Variants in ATG2B observed in about 807,000 individuals in gnomAD.
ATG2B encodes the protein autophagy related 2B.
A neutral mutation model predicts 241.3 loss-of-function variants in ATG2B; 121 were observed. That is an observed-to-expected ratio of 0.50 (90% CI 0.43 to 0.58). The LOEUF (loss-of-function observed/expected upper bound fraction) is 0.58, where lower values mean the gene tolerates loss of function less well. ATG2B is among the 20% of genes least tolerant of loss of function. ATG2B has a pLI of 0.00. For missense variants in ATG2B, 2,306 were observed against 2,491.6 expected (o/e 0.93, Z 1.59); for synonymous variants, 858 against 876.6 (o/e 0.98, Z 0.37).
In ATG2B at chr14:96,344,679, T is replaced by C; in HGVS notation, c.556A>G (p.Thr186Ala). The stretch of plus-strand genomic sequence containing the variant: ...CTTTCTATTCGAATTTCAAGTGCAG[T>C]TCCAGTTTTGGAATTTTCTGGCACA... ...EHVPENSKTG[T>A]ALEIRIERTV... The change falls in exon 4 of 42, where the codon ACT becomes GCT. Residue 186 changes from threonine (T) to alanine (A), a missense_variant. Physicochemically the swap from Thr to Ala is moderately conservative, Grantham distance 58 (BLOSUM62 0). Transcript: ENST00000359933. 1.2e-6 allele frequency: 2 copies of C among 1,605,198 alleles called. No individual in the cohort carries two copies. The highest frequency in any genetic ancestry group is 8.5e-7 in the Non-Finnish European group (1 of 1,175,178).
chr14:96,324,021 T>C (rs1054827956), intron 15 of ATG2B, 23 bp from the exon 16 acceptor site: 1 of 1,478,788 alleles, frequency 6.8e-7, no homozygotes, highest in Non-Finnish European at 9.3e-7. Flanking sequence ...ACTGATTTAC[T>C]GAAATGTGCT....
At chr14:96,348,269 T>C (rs1022343339) in intron 1 of ATG2B, among the ~76,000 whole-genome samples, 2 of 152,146 alleles carry the variant, frequency 1.3e-5, no homozygotes, top group African/African-American at 4.8e-5. Flanking sequence ...CACTTATCTA[T>C]GGAAGCTAAA....
At chr14:96,298,203 A>G (rs1285123077) in intron 34 of ATG2B, among the ~76,000 whole-genome samples, 1 of 152,238 alleles carries the variant, frequency 6.6e-6, no homozygotes, top group Non-Finnish European at 1.5e-5. Context: ...ATCACCTGTT[A>G]CCAGGGAAAT....
intron 30 of ATG2B, among the ~76,000 whole-genome samples, chr14:96,306,307 TAC>T (rs56154757): frequency 0.25 from 37,632 of 150,910 alleles, 4,899 homozygotes; most frequent in Non-Finnish European, 0.28. Context: ...CAAATACACA[TAC>T]ACACACACAC....
At position 96,306,772 on chromosome 14, in the gene ATG2B, C is replaced by A. The variant is rs746386000; in HGVS notation, c.4448G>T (p.Gly1483Val). ...AAAGTCATCATTCTCAGTGGGCACA[C>A]CTGTCATTGCATCACTGATGAAATG... is the stretch of plus-strand genomic sequence containing the variant. ...SHHFISDAMT[G>V]VPTENDDFCI... is the part of the protein sequence containing the mutation. The change falls in exon 30 of 42, where the codon GGT becomes GTT. Residue 1483 changes from glycine (G) to valine (V), a missense_variant. Coordinates refer to ENST00000359933, the MANE Select transcript of ATG2B (RefSeq NM_018036.7). The A allele has an allele frequency of 3.7e-6, 6 of 1,613,832 alleles. No individual in the cohort carries two copies. In the African/African-American group the frequency reaches 5.3e-5, roughly 14 times the overall value.
chr14:96,322,785 A>C (rs373500226), intron 16 of ATG2B, 50 bp from the exon 17 acceptor site: 2 of 1,510,466 alleles, frequency 1.3e-6, no homozygotes, highest in African/African-American at 2.8e-5. Context: ...TGTAAACAGC[A>C]AAACTTTAAC....
rs549218439 is a variant in ATG2B at position 96,287,752 on chromosome 14, C to T, written c.6007-1767G>A. 4.1e-4 allele frequency among the ~76,000 whole-genome samples: 62 copies of T among 152,300 alleles called. 1 individual carries two copies. In the East Asian group the frequency reaches 6.9e-3, roughly 17 times the overall value. ...ACATACTTTTTATGTAAGGGCCACA[C>T]AGAAGGTATTTGTGGGCCATGGTCT... On this transcript the variant is annotated intron_variant, in intron 41 of 41. Transcript: ENST00000359933.
rs1566717611 is a variant in ATG2B at position 96,303,261 on chromosome 14, CG to C, written c.4843-7del. ...ACTTCATGCTGAAACTTCACCTTAA[CG>C]GGTAAGGAGGAAGAACGCGGAACAG... On this transcript the variant is annotated splice_polypyrimidine_tract_variant and splice_region_variant and intron_variant, in intron 32 of 41. Transcript: ENST00000359933. 6.5e-7 allele frequency: 1 copy of C among 1,548,754 alleles called. No homozygotes were observed. The highest frequency in any genetic ancestry group is 8.7e-7 in the Non-Finnish European group (1 of 1,144,086).
intron 33 of ATG2B, 125 bp downstream of exon 33, chr14:96,302,936 G>T: frequency 1.4e-6 from 1 of 728,028 alleles, no homozygotes; most frequent in African/African-American, 1.8e-5. Context: ...ATTCAAAAGG[G>T]ACTTTTCACA....
At chr14:96,347,813 A>C (rs1051941109) in intron 1 of ATG2B, among the ~76,000 whole-genome samples, 1 of 152,240 alleles carries the variant, frequency 6.6e-6, no homozygotes, top group Non-Finnish European at 1.5e-5. Context: ...AATGGCTTCT[A>C]TCCAGAAGAC....
At chr14:96,328,825 C>T (rs1887655310) in intron 12 of ATG2B, 59 bp from the exon 13 acceptor site, 4 of 1,299,914 alleles carry the variant, frequency 3.1e-6, no homozygotes, top group East Asian at 2.4e-5. Flanking sequence ...TACAGAGGTG[C>T]CCATACAATA....
intron 1 of ATG2B, among the ~76,000 whole-genome samples, chr14:96,349,241 C>T (rs1366112002): frequency 3.3e-5 from 5 of 152,176 alleles, no homozygotes; most frequent in East Asian, 3.8e-4. Flanking sequence ...TTTGATACAT[C>T]GCAGTATTTG....
rs181670230 is a variant in ATG2B at position 96,335,195 on chromosome 14, T to C, written c.925-694A>G. Among the ~76,000 whole-genome samples, 594 of 152,348 alleles carry C rather than the reference T, an allele frequency of 3.9e-3. 4 individuals carry two copies. The highest frequency in any genetic ancestry group is 0.013 in the African/African-American group (553 of 41,594). On this transcript the variant is annotated intron_variant, in intron 6 of 41. Transcript: ENST00000359933. ...TTACTTTATTCTCTATATTACATTC[T>C]AAAAAGCAGAATATCCCTGCCTTAC...
At position 96,331,457 on chromosome 14, in the gene ATG2B, A is replaced by G. The variant is rs996316712; in HGVS notation, c.1649T>C (p.Ile550Thr). Residue 550 changes from isoleucine (I) to threonine (T), a missense_variant, in exon 11 of 42, where the codon ATT becomes ACT. This residue lies in a region of ATG2B where 1,927 missense variants were observed against 2,011.2 expected (regional missense o/e 0.96). Transcript: ENST00000359933. ...AVAFFTCIEKIDPARFSTEDF... is the reference protein window; with the variant it reads ...AVAFFTCIEKTDPARFSTEDF... ...TTCTGTTGAAAATCTTGCTGGATCAATCTTTTCTATACAAGTAAAGAAAGC... is the reference window on the plus strand; with the variant it reads ...TTCTGTTGAAAATCTTGCTGGATCAGTCTTTTCTATACAAGTAAAGAAAGC... 4.3e-6 allele frequency: 7 copies of G among 1,614,004 alleles called. No homozygotes were observed. The highest frequency in any genetic ancestry group is 5.9e-6 in the Non-Finnish European group (7 of 1,179,996).
intron 32 of ATG2B, among the ~76,000 whole-genome samples, 188 bp from the exon 33 acceptor site, chr14:96,303,443 T>C (rs1224712137): frequency 6.6e-6 from 1 of 152,200 alleles, no homozygotes; most frequent in African/African-American, 2.4e-5. Flanking sequence ...TAATCTACAG[T>C]GCTCCCTGCT....
chr14:96,340,671 G>C (rs1339771935), intron 6 of ATG2B, among the ~76,000 whole-genome samples: 2 of 152,214 alleles, frequency 1.3e-5, no homozygotes, highest in East Asian at 3.9e-4. Context: ...CCAACACTTT[G>C]GGAGGCTGAG....
intron 19 of ATG2B, 120 bp from the exon 20 acceptor site, chr14:96,317,437 G>A: frequency 2.3e-6 from 2 of 866,610 alleles, no homozygotes; most frequent in Non-Finnish European, 3.5e-6. Context: ...TGTGAACACA[G>A]AAATACATAC....
At chr14:96,342,447 C>T (rs1473820857) in intron 5 of ATG2B, among the ~76,000 whole-genome samples, 3 of 152,020 alleles carry the variant, frequency 2.0e-5, no homozygotes, top group Non-Finnish European at 4.4e-5. Flanking sequence ...ATGGGCCAGA[C>T]GTGGTGGCTC....
rs374135427 is a variant in ATG2B at position 96,362,994 on chromosome 14, G to A, written c.-18C>T. 18 of 1,612,400 alleles carry A rather than the reference G, an allele frequency of 1.1e-5. No individual in the cohort carries two copies. The highest frequency in any genetic ancestry group is 5.3e-5 in the African/African-American group (4 of 74,922). On this transcript the variant is annotated 5_prime_UTR_variant, in exon 1 of 42. Transcript: ENST00000359933. ...CAAGGCATAGTGACTGCTGGCAGCT[G>A]GGCTGACTGCGGCTGCGGGTTGCGA...
Sources: allele counts gnomAD v4.1 joint callset (sites outside exome capture counted in the v4.1 genomes callset), GRCh38; gene constraint gnomAD v4.1.1; regional missense constraint gnomAD v4.1.1; transcripts MANE v1.5; gene names NCBI Gene and HGNC (gene_info 2026-07-23, HGNC 2026-07-21).